METTL15: variants seen among roughly 807,000 people sequenced by gnomAD.
METTL15 encodes methyltransferase 15, mitochondrial 12S rRNA N4-cytidine, also known as 12S rRNA N(4)-cytidine methyltransferase METTL15.
A neutral mutation model predicts 38.3 loss-of-function variants in METTL15; 34 were observed. The ratio of observed to expected loss-of-function variants is 0.89; its 90% CI spans 0.68 to 1.18. The LOEUF (loss-of-function observed/expected upper bound fraction) is 1.18, where lower values mean the gene tolerates loss of function less well. Ranked by LOEUF, METTL15 falls within the 50% of genes most tolerant of loss-of-function variation. METTL15 has a pLI of 0.00. For synonymous variants in METTL15, 162 were observed against 170.9 expected (o/e 0.95, Z 0.41); for missense variants, 438 against 498.4 (o/e 0.88, Z 1.15).
At chr11:28,256,185 T>G (rs1312557360) in intron 4 of METTL15, among the ~76,000 whole-genome samples, 1 of 152,242 alleles carries the variant, frequency 6.6e-6, no homozygotes, top group African/African-American at 2.4e-5. Context: ...TCTCTTGTTT[T>G]GGTATCAGGG....
intron 3 of METTL15, among the ~76,000 whole-genome samples, chr11:28,197,843 T>C (rs943165954): frequency 6.6e-6 from 1 of 152,078 alleles, no homozygotes; most frequent in Admixed American, 6.6e-5. Flanking sequence ...CCATCATTTA[T>C]TTTAATTTAA....
At chr11:28,508,231 G>A (rs1851646043) in intron 6 of METTL15, among the ~76,000 whole-genome samples, 1 of 151,558 alleles carries the variant, frequency 6.6e-6, no homozygotes, top group African/African-American at 2.4e-5. Flanking sequence ...TTTTTGGTCA[G>A]TTTTTGTTTT....
intron 6 of METTL15, among the ~76,000 whole-genome samples, chr11:28,499,995 G>A (rs774880783): frequency 7.2e-6 from 1 of 139,602 alleles, no homozygotes; most frequent in African/African-American, 2.6e-5. Context: ...AAGGGCAGGT[G>A]GTTGGAATTG....
At chr11:28,271,460 A>G (rs778757739) in intron 4 of METTL15, among the ~76,000 whole-genome samples, 10 of 152,128 alleles carry the variant, frequency 6.6e-5, no homozygotes, top group South Asian at 4.1e-4. Context: ...CAACCACACA[A>G]TAAAGTTTGT....
intron 6 of METTL15, among the ~76,000 whole-genome samples, chr11:28,514,109 C>G (rs1305742949): frequency 6.6e-6 from 1 of 152,224 alleles, no homozygotes; most frequent in Non-Finnish European, 1.5e-5. Flanking sequence ...CCACCCCTCC[C>G]CCATTACACT....
chr11:28,419,442 C>T (rs1165126747), intron 5 of METTL15, among the ~76,000 whole-genome samples: 1 of 152,198 alleles, frequency 6.6e-6, no homozygotes, highest in African/African-American at 2.4e-5. Context: ...TGCTACTGAG[C>T]ATATGGTGCC....
intron 3 of METTL15, among the ~76,000 whole-genome samples, chr11:28,346,631 T>C (rs773256969): frequency 6.6e-6 from 1 of 152,208 alleles, no homozygotes; most frequent in Non-Finnish European, 1.5e-5. Context: ...ACAAGAAAAT[T>C]TGTTGATTTC....
intron 3 of METTL15, among the ~76,000 whole-genome samples, chr11:28,204,474 A>G (rs1387101550): frequency 9.1e-6 from 1 of 109,676 alleles, no homozygotes; most frequent in African/African-American, 3.6e-5. Context: ...AAAAAGGGAT[A>G]TAATGCCAGT....
At chr11:28,218,689 G>T (rs958935604) in intron 4 of METTL15, among the ~76,000 whole-genome samples, 3 of 152,146 alleles carry the variant, frequency 2.0e-5, no homozygotes, top group Admixed American at 2.0e-4. Flanking sequence ...GATATTGGCT[G>T]TGGGGTTGTC....
At chr11:28,279,064 C>A (rs1178621152) in intron 4 of METTL15, among the ~76,000 whole-genome samples, 2 of 152,144 alleles carry the variant, frequency 1.3e-5, no homozygotes, top group Non-Finnish European at 2.9e-5. Flanking sequence ...TGGGCTCAAA[C>A]AATGCTTCTG....
At chr11:28,512,277 G>A (rs956676649) in intron 6 of METTL15, among the ~76,000 whole-genome samples, 31 of 152,236 alleles carry the variant, frequency 2.0e-4, no homozygotes, top group Non-Finnish European at 4.3e-4. Context: ...TCACCCAAGT[G>A]GATCCCGCAC....
At chr11:28,367,893 A>G (rs922359294) in intron 5 of METTL15, among the ~76,000 whole-genome samples, 5 of 152,208 alleles carry the variant, frequency 3.3e-5, no homozygotes, top group African/African-American at 1.2e-4. Flanking sequence ...GGCTAGCCAT[A>G]TGCAGAAAAC....
At chr11:28,464,628 T>C (rs938125859) in intron 6 of METTL15, among the ~76,000 whole-genome samples, 18 of 152,208 alleles carry the variant, frequency 1.2e-4, no homozygotes, top group Non-Finnish European at 2.1e-4. Flanking sequence ...CCTAAATCTA[T>C]CTTTCTGCTC....
intron 6 of METTL15, among the ~76,000 whole-genome samples, chr11:28,504,611 G>A (rs1033501381): frequency 2.0e-5 from 3 of 152,208 alleles, no homozygotes; most frequent in South Asian, 2.1e-4. Context: ...TTCTGATAGA[G>A]TCTAACCAGC....
chr11:28,328,963 T>G (rs894830382), intron 6 of METTL15, among the ~76,000 whole-genome samples: 6 of 152,144 alleles, frequency 3.9e-5, no homozygotes, highest in African/African-American at 1.4e-4. Flanking sequence ...TTAATTTTGA[T>G]GAAGTCCAGT....
At chr11:28,399,322 G>T (rs980403751) in intron 5 of METTL15, among the ~76,000 whole-genome samples, 3 of 151,910 alleles carry the variant, frequency 2.0e-5, no homozygotes, top group African/African-American at 7.2e-5. Context: ...AGGCTTAAAT[G>T]TAAGACCTAA....
chr11:28,138,163 C>T (rs754940852), intron 3 of METTL15, among the ~76,000 whole-genome samples: 5 of 151,270 alleles, frequency 3.3e-5, no homozygotes, highest in Non-Finnish European at 5.9e-5. Flanking sequence ...CTCTGTTTCT[C>T]GCCAGGTGTC....
intron 3 of METTL15, among the ~76,000 whole-genome samples, chr11:28,346,348 A>G (rs566851760): frequency 5.9e-5 from 9 of 152,324 alleles, no homozygotes; most frequent in Non-Finnish European, 1.3e-4. Context: ...AAATGTAAAT[A>G]AGATTTTTTT....
At chr11:28,447,410 CAG>C (rs1851084182) in intron 6 of METTL15, among the ~76,000 whole-genome samples, 2 of 152,176 alleles carry the variant, frequency 1.3e-5, no homozygotes, top group African/African-American at 4.8e-5. Context: ...AGCATTAAGA[CAG>C]TGTCTTCTAT....
Sources: allele counts gnomAD v4.1 joint callset (sites outside exome capture counted in the v4.1 genomes callset), GRCh38; gene constraint gnomAD v4.1.1; transcripts MANE v1.5; gene names NCBI Gene and HGNC (gene_info 2026-07-23, HGNC 2026-07-21).